The following INPP5A variants were observed in gnomAD, a reference collection of about 807,000 sequenced individuals.
The protein encoded by INPP5A is inositol polyphosphate-5-phosphatase A.
A neutral mutation model predicts 65.2 loss-of-function variants in INPP5A; 14 were observed. The ratio of observed to expected loss-of-function variants is 0.21; its 90% CI spans 0.14 to 0.34. The LOEUF (loss-of-function observed/expected upper bound fraction) is 0.34. Among genes scored for constraint, INPP5A ranks in the 10% least tolerant of loss-of-function variants. INPP5A has a pLI of 1.00. For missense variants in INPP5A, 431 were observed against 545.6 expected, an observed-to-expected ratio of 0.79 and a Z score of 2.09; for synonymous variants, 207 against 208.3, an observed-to-expected ratio of 0.99 and a Z score of 0.05.
At chr10:132,624,028 T>G (rs1357500337) in intron 2 of INPP5A, among the ~76,000 whole-genome samples, 1 of 152,164 alleles carries the variant, frequency 6.6e-6, no homozygotes, top group Non-Finnish European at 1.5e-5. Context: ...TCAGTGTTGA[T>G]GAAGACGCAG....
At position 132,722,185 on chromosome 10, in the gene INPP5A, A is replaced by T. The variant is rs112538947; in HGVS notation, c.648-4636A>T. ...GAGAATGTGGTCTCTACCATAGCAG[A>T]GAAACAAACCAACTTTAATAGATTC... On this transcript the variant is annotated intron_variant, in intron 8 of 15. Coordinates refer to ENST00000368594, the MANE Select transcript of INPP5A (RefSeq NM_005539.5). 5.7e-3 allele frequency among the ~76,000 whole-genome samples: 862 copies of T among 152,356 alleles called. 3 individuals are homozygous for T. The highest frequency in any genetic ancestry group is 9.0e-3 in the Non-Finnish European group (613 of 68,036).
rs180952060 is a variant in INPP5A at position 132,580,837 on chromosome 10, C to T, written c.76-27078C>T. 8.7e-4 allele frequency among the ~76,000 whole-genome samples: 133 copies of T among 152,342 alleles called. 1 individual carries two copies. The highest frequency in any genetic ancestry group is 2.7e-3 in the Admixed American group (41 of 15,310). ...GTAAATTGCTGACATCAGCATACTTCCCCCAAATGCTTCTGTGTGAATATC... is the reference window on the plus strand; with the variant it reads ...GTAAATTGCTGACATCAGCATACTTTCCCCAAATGCTTCTGTGTGAATATC... On this transcript the variant is annotated intron_variant, in intron 1 of 15. Coordinates refer to ENST00000368594, the MANE Select transcript of INPP5A (RefSeq NM_005539.5).
At position 132,603,528 on chromosome 10, in the gene INPP5A, G is replaced by A. The variant is rs2071802578; in HGVS notation, c.76-4387G>A. ...AACAGACACTGAAGTGAAACTCAAG[G>A]AACTTCTGAATTTGAGATAAATATT... is the stretch of plus-strand genomic sequence containing the variant. On this transcript the variant is annotated intron_variant, in intron 1 of 15. Transcript: ENST00000368594. The surrounding 1 kb of genome is among the most constrained non-coding windows in gnomAD (Gnocchi z 4.2). Among the ~76,000 whole-genome samples, 1 of 152,138 alleles carries A rather than the reference G, an allele frequency of 6.6e-6. No individual in the cohort carries two copies.
intron 11 of INPP5A, among the ~76,000 whole-genome samples, chr10:132,759,659 C>G (rs1846694770): frequency 6.6e-6 from 1 of 152,062 alleles, no homozygotes. Context: ...GTGGGGGGCT[C>G]TCGGGGGTCC....
intron 3 of INPP5A, among the ~76,000 whole-genome samples, chr10:132,649,145 G>A (rs2072538707): frequency 6.6e-6 from 1 of 152,148 alleles, no homozygotes; most frequent in African/African-American, 2.4e-5. Context: ...TTCTGTTGCA[G>A]ATTTTGATCT....
intron 6 of INPP5A, among the ~76,000 whole-genome samples, chr10:132,699,220 C>T (rs560462340): frequency 9.2e-5 from 14 of 152,200 alleles, no homozygotes; most frequent in African/African-American, 2.4e-4. Context: ...GCAGGCCCGT[C>T]GGAAGGGCAG....
chr10:132,614,069 G>A lies in INPP5A; in HGVS notation c.117+6113G>A, dbSNP rs533663586. ...CCTGTGTGTGCCTCCATCGCCAGTC[G>A]TGAGCACCCTCGACGCCTTTGGGAC... On this transcript the variant is annotated intron_variant, in intron 2 of 15. Coordinates refer to ENST00000368594, the MANE Select transcript of INPP5A (RefSeq NM_005539.5). Among the ~76,000 whole-genome samples, 7 of 152,318 alleles carry A rather than the reference G, an allele frequency of 4.6e-5. No individual in the cohort carries two copies. The South Asian group carries it at 1.5e-3, about 32-fold the overall frequency.
At chr10:132,726,731 C>T (rs1186055513) in intron 8 of INPP5A, 90 bp from the exon 9 acceptor site, 17 of 867,662 alleles carry the variant, frequency 2.0e-5, no homozygotes, top group Middle Eastern at 4.6e-4. Context: ...AGAGAGTGTG[C>T]GGATGGGGAG....
rs908524837 is a variant in INPP5A, at chr10:132,606,122, G to C, written c.76-1793G>C. 3.3e-5 allele frequency among the ~76,000 whole-genome samples: 5 copies of C among 152,186 alleles called. No individual in the cohort carries two copies. In the South Asian group the frequency reaches 1.0e-3, roughly 32 times the overall value. On this transcript the variant is annotated intron_variant, in intron 1 of 15. Transcript: ENST00000368594. The stretch of plus-strand genomic sequence containing the variant: ...GTTTGGTGTTTAGGGTGGCTCCTGG[G>C]CAGGGCTGCTGGGCACGCAGCTGCA...
At chr10:132,677,839 C>T (rs1471010440) in intron 4 of INPP5A, among the ~76,000 whole-genome samples, 1 of 152,254 alleles carries the variant, frequency 6.6e-6, no homozygotes, top group African/African-American at 2.4e-5. Context: ...TGACAGGGTT[C>T]AGCAACCCGC....
At chr10:132,781,088 G>A (rs1032528567) in intron 14 of INPP5A, among the ~76,000 whole-genome samples, 171 bp downstream of exon 14, 2 of 152,192 alleles carry the variant, frequency 1.3e-5, no homozygotes, top group Admixed American at 6.5e-5. Context: ...CTACAGAGTA[G>A]GCCAAGTTGG....
At chr10:132,699,591 GTAGGAGAGCCCA>G (rs1283756117) in intron 6 of INPP5A, among the ~76,000 whole-genome samples, 1 of 152,160 alleles carries the variant, frequency 6.6e-6, no homozygotes, top group Non-Finnish European at 1.5e-5. Flanking sequence ...TCCGGATGGG[GTAGGAGAGCCCA>G]TAGGGAGCCC....
At position 132,545,558 on chromosome 10, in the gene INPP5A, T is replaced by C. The variant is rs12241389; in HGVS notation, c.75+7387T>C. 0.093 allele frequency among the ~76,000 whole-genome samples: 14,216 copies of C among 152,244 alleles called. 634 individuals are homozygous for C. The highest frequency in any genetic ancestry group is 0.1 in the African/African-American group (4,252 of 41,560). On this transcript the variant is annotated intron_variant, in intron 1 of 15. Coordinates refer to ENST00000368594, the MANE Select transcript of INPP5A (RefSeq NM_005539.5). This position sits in a 1 kb window ranked among gnomAD's most constrained non-coding sequence, Gnocchi z 4.6. ...CCGCTGTCTCCTGGGCGGGTCCTTC[T>C]GATGTGAGTGCACTCCAGTGAAATA...
chr10:132,738,369 G>C (rs913959662), intron 9 of INPP5A, among the ~76,000 whole-genome samples: 11 of 152,196 alleles, frequency 7.2e-5, no homozygotes, highest in African/African-American at 2.7e-4. Context: ...GGGGACCCTG[G>C]GACGAGGGCT....
intron 8 of INPP5A, among the ~76,000 whole-genome samples, chr10:132,716,868 C>G (rs950869506): frequency 6.6e-6 from 1 of 152,252 alleles, no homozygotes; most frequent in Non-Finnish European, 1.5e-5. Context: ...CACAGCCCTC[C>G]TGCCGCCCTG....
Position 132,742,977 on chromosome 10 carries a change from C to T in INPP5A, c.733-6540C>T, listed in dbSNP as rs146220646. ...ACCCAGCCGGCCTGCGCCTGCCCCG[C>T]GCCCCCTTTGTCCCCGGCCATTGTT... On this transcript the variant is annotated intron_variant, in intron 9 of 15. Transcript: ENST00000368594. Among the ~76,000 whole-genome samples the T allele has an allele frequency of 3.0e-3, 456 of 152,374 alleles. 5 individuals carry two copies. The highest frequency in any genetic ancestry group is 0.015 in the Admixed American group (237 of 15,312).
At chr10:132,772,850 T>C (rs868412138) in intron 12 of INPP5A, among the ~76,000 whole-genome samples, 3 of 82,864 alleles carry the variant, frequency 3.6e-5, no homozygotes, top group African/African-American at 1.5e-4. Flanking sequence ...CCACGAAGAG[T>C]GGGACGGACA....
At chr10:132,742,300 G>A (rs762496368) in intron 9 of INPP5A, among the ~76,000 whole-genome samples, 1 of 152,220 alleles carries the variant, frequency 6.6e-6, no homozygotes, top group Non-Finnish European at 1.5e-5. Context: ...GCCAGCACGC[G>A]CAGCCCCGCC....
At chr10:132,780,717 G>A (rs1045669308) in intron 13 of INPP5A, 132 bp from the exon 14 acceptor site, 14 of 771,576 alleles carry the variant, frequency 1.8e-5, no homozygotes, top group Non-Finnish European at 2.5e-5. Flanking sequence ...CAGAGGCTGG[G>A]GAGGTACTGG....
Sources: gnomAD v4.1 joint callset for allele counts (sites outside exome capture counted in the v4.1 genomes callset) on GRCh38, gnomAD v4.1.1 for gene constraint, Gnocchi (gnomAD v3.1) non-coding constraint, MANE v1.5 for transcripts, NCBI Gene and HGNC (gene_info 2026-07-23, HGNC 2026-07-21) for gene names.